The following NDNF variants were observed in gnomAD, a reference collection of about 807,000 sequenced individuals.
The protein encoded by NDNF is protein NDNF.
NDNF carries 16 observed loss-of-function variants against 42.0 expected under a neutral mutation model. The observed-to-expected ratio is 0.38, with a 90% CI of 0.26 to 0.58. The LOEUF is 0.58. NDNF is among the 20% of genes least tolerant of loss of function. The probability of loss-of-function intolerance (pLI) is 0.67; values close to 1 mark genes in which losing one functional copy is unlikely to be tolerated. For missense variants in NDNF, 616 were observed against 666.2 expected (o/e 0.92, Z 0.83); for synonymous variants, 248 against 251.7 (o/e 0.99, Z 0.14).
intron 1 of NDNF, among the ~76,000 whole-genome samples, chr4:121,050,577 T>C (rs959971126): frequency 1.3e-5 from 2 of 152,234 alleles, no homozygotes; most frequent in Non-Finnish European, 2.9e-5. Flanking sequence ...TAATTCCAAA[T>C]ATTTTTATTT....
chr4:121,046,459 C>T (rs1405087714), intron 1 of NDNF, among the ~76,000 whole-genome samples: 1 of 152,146 alleles, frequency 6.6e-6, no homozygotes, highest in Non-Finnish European at 1.5e-5. Context: ...TTTCATAAGT[C>T]AAGGATTTTT....
chr4:121,052,040 A>G (rs1727205944), intron 1 of NDNF, among the ~76,000 whole-genome samples: 1 of 152,222 alleles, frequency 6.6e-6, no homozygotes, highest in African/African-American at 2.4e-5. Context: ...TAGCTTCCTC[A>G]GAACAGCAGC....
At chr4:121,050,130 A>G (rs1560606516) in intron 1 of NDNF, among the ~76,000 whole-genome samples, 2 of 152,244 alleles carry the variant, frequency 1.3e-5, no homozygotes, top group Non-Finnish European at 1.5e-5. Flanking sequence ...TTGACTGATA[A>G]AAAATTGAAG....
At chr4:121,042,782 AG>A (rs1224165432) in intron 2 of NDNF, among the ~76,000 whole-genome samples, 1 of 152,204 alleles carries the variant, frequency 6.6e-6, no homozygotes, top group East Asian at 1.9e-4. Context: ...TGAATAACAG[AG>A]CTAAGCAACG....
At chr4:121,055,685 T>C (rs72684096) in intron 1 of NDNF, among the ~76,000 whole-genome samples, 24,213 of 152,006 alleles carry the variant, frequency 0.16, 2,419 homozygotes, top group Non-Finnish European at 0.22. Context: ...ACAGTGGAAA[T>C]TAGTAGGAAG....
intron 1 of NDNF, among the ~76,000 whole-genome samples, chr4:121,053,695 C>A (rs540465009): frequency 6.6e-6 from 1 of 152,288 alleles, no homozygotes; most frequent in African/African-American, 2.4e-5. Flanking sequence ...ATCAAAATGT[C>A]CTCTATATGT....
chr4:121,036,354 T>C lies in NDNF; in HGVS notation c.1617A>G (p.Lys539=). 1 of 1,614,128 alleles carries C rather than the reference T, an allele frequency of 6.2e-7. No individual in the cohort carries two copies. The highest frequency in any genetic ancestry group is 1.3e-5 in the African/African-American group (1 of 75,040). ...TGACATAAACATCCAGCAGGTAAGA[T>C]TTGCCAGGCTGAAGACCTTTAATTG... ...TETIKGLQPG[K]SYLLDVYVIG... The change falls in exon 4 of 4, where the codon AAA becomes AAG. Residue 539 remains lysine (K), a synonymous_variant. Transcript: ENST00000379692.
intron 1 of NDNF, among the ~76,000 whole-genome samples, chr4:121,056,283 A>G (rs1560608226): frequency 6.6e-6 from 1 of 152,236 alleles, no homozygotes; most frequent in Non-Finnish European, 1.5e-5. Flanking sequence ...AGAAAAGACC[A>G]GGAGGGAATT....
rs751251655 is a variant in NDNF, at chr4:121,045,888, G to A, written c.-1-50C>T. The A allele has an allele frequency of 7.7e-6, 12 of 1,557,214 alleles. No homozygotes were observed. The East Asian group carries it at 1.6e-4, about 20-fold the overall frequency. ...TATTAGTTCTGCAGGCAGACACTCA[G>A]GCAAGTCACAGACTTTCTAAAGGGT... On this transcript the variant is annotated intron_variant, in intron 1 of 3. Transcript: ENST00000379692.
intron 1 of NDNF, among the ~76,000 whole-genome samples, chr4:121,052,619 A>G (rs1252606303): frequency 6.6e-6 from 1 of 152,168 alleles, no homozygotes. Context: ...TAAGAAAAAA[A>G]TATATAGCTT....
At chr4:121,058,578 T>A (rs754927606) in intron 1 of NDNF, among the ~76,000 whole-genome samples, 58 of 152,184 alleles carry the variant, frequency 3.8e-4, no homozygotes, top group Non-Finnish European at 6.2e-4. Context: ...ACGAAGATGC[T>A]GCATGAAAAT....
chr4:121,070,608 G>C (rs1727575032), intron 1 of NDNF, among the ~76,000 whole-genome samples: 1 of 152,106 alleles, frequency 6.6e-6, no homozygotes, highest in African/African-American at 2.4e-5. Flanking sequence ...TAGTGTGTTT[G>C]GGGAAAGCAG....
At chr4:121,068,378 A>AT (rs1182812096) in intron 1 of NDNF, among the ~76,000 whole-genome samples, 5 of 152,204 alleles carry the variant, frequency 3.3e-5, no homozygotes, top group African/African-American at 7.2e-5. Flanking sequence ...CAAAGCAAAG[A>AT]TTTTGTGGGG....
At chr4:121,053,345 C>G (rs530935660) in intron 1 of NDNF, among the ~76,000 whole-genome samples, 1 of 152,300 alleles carries the variant, frequency 6.6e-6, no homozygotes, top group East Asian at 1.9e-4. Context: ...ATGCAGAGTT[C>G]CTAACAGGGA....
chr4:121,060,763 A>G (rs983842858), intron 1 of NDNF, among the ~76,000 whole-genome samples: 5 of 152,148 alleles, frequency 3.3e-5, no homozygotes, highest in Non-Finnish European at 7.4e-5. Context: ...ATTTACCCAA[A>G]TATCTGATGG....
chr4:121,042,104 T>C (rs1727009001), intron 2 of NDNF, among the ~76,000 whole-genome samples: 1 of 152,230 alleles, frequency 6.6e-6, no homozygotes, highest in African/African-American at 2.4e-5. Flanking sequence ...TGTGACTATA[T>C]AATTGTATTA....
intron 3 of NDNF, among the ~76,000 whole-genome samples, chr4:121,039,167 A>ATATACGTATATATATATG (rs1726938531): frequency 1.2e-5 from 1 of 85,400 alleles, no homozygotes; most frequent in Non-Finnish European, 2.3e-5. Context: ...GTATATATAT[A>ATATACGTATATATATATG]TATAAAGACT....
chr4:121,047,494 G>T (rs1257940160), intron 1 of NDNF, among the ~76,000 whole-genome samples: 2 of 152,214 alleles, frequency 1.3e-5, no homozygotes, highest in Non-Finnish European at 2.9e-5. Context: ...GGATCTGACT[G>T]CAGAGCCCAG....
At chr4:121,065,294 T>A (rs544142292) in intron 1 of NDNF, among the ~76,000 whole-genome samples, 1 of 152,112 alleles carries the variant, frequency 6.6e-6, no homozygotes, top group East Asian at 2.0e-4. Flanking sequence ...TTCTGGTATT[T>A]CCTTCTTACA....
Sources: gnomAD v4.1 joint callset for allele counts (sites outside exome capture counted in the v4.1 genomes callset) on GRCh38, gnomAD v4.1.1 for gene constraint, MANE v1.5 for transcripts, NCBI Gene and HGNC (gene_info 2026-07-23, HGNC 2026-07-21) for gene names.